The following TGM6 variants were observed in gnomAD, a reference collection of about 807,000 sequenced individuals.
TGM6 encodes protein-glutamine gamma-glutamyltransferase 6.
TGM6 carries 74 observed loss-of-function variants against 77.5 expected under a neutral mutation model. The ratio of observed to expected loss-of-function variants is 0.96; its 90% CI spans 0.79 to 1.16. TGM6 has a LOEUF of 1.16. TGM6 is among the 50% of genes most tolerant of loss of function. TGM6 has a pLI of 0.00. For missense variants in TGM6, 968 were observed against 940.2 expected (o/e 1.03, Z -0.39); for synonymous variants, 383 against 378.9 (o/e 1.01, Z -0.12).
intron 1 of TGM6, among the ~76,000 whole-genome samples, chr20:2,394,247 T>C (rs546820754): frequency 6.6e-6 from 1 of 152,076 alleles, no homozygotes; most frequent in Non-Finnish European, 1.5e-5. Flanking sequence ...TGAATTGAGA[T>C]CACGCCACTG....
intron 1 of TGM6, among the ~76,000 whole-genome samples, chr20:2,391,139 G>A (rs2084627049): frequency 6.6e-6 from 1 of 150,662 alleles, no homozygotes; most frequent in South Asian, 2.1e-4. Flanking sequence ...GGATATGCGG[G>A]GGTGGGGGCA....
chr20:2,412,520 G>A (rs888149590), intron 9 of TGM6, among the ~76,000 whole-genome samples: 2 of 129,982 alleles, frequency 1.5e-5, no homozygotes, highest in African/African-American at 3.4e-5. Context: ...TTTTAAAATA[G>A]AAAGAAGACA....
chr20:2,403,787 C>G lies in TGM6; in HGVS notation c.1300C>G (p.Arg434Gly). Residue 434 changes from arginine to glycine, a missense_variant, in exon 9 of 13, where the codon CGC becomes GGC. Transcript: ENST00000202625. ...ISTKAVGSDS[R>G]VDITDLYKYP... The stretch of plus-strand genomic sequence containing the variant: ...CACCAAGGCGGTGGGCAGTGACTCC[C>G]GCGTGGACATCACTGACCTCTACAA... The G allele has an allele frequency of 6.2e-7, 1 of 1,614,154 alleles. No homozygotes were observed. The highest frequency in any genetic ancestry group is 8.5e-7 in the Non-Finnish European group (1 of 1,180,038).
chr20:2,428,700 A>G (rs2084905124), intron 10 of TGM6, among the ~76,000 whole-genome samples: 1 of 152,150 alleles, frequency 6.6e-6, no homozygotes. Context: ...AAATCAATCA[A>G]TAAAATAAAA....
chr20:2,382,726 A>G (rs2084564780), intron 1 of TGM6, among the ~76,000 whole-genome samples: 1 of 152,176 alleles, frequency 6.6e-6, no homozygotes, highest in African/African-American at 2.4e-5. Flanking sequence ...TGACTGAGAC[A>G]TCAGATCCTA....
At chr20:2,392,328 A>G (rs2122340032) in intron 1 of TGM6, among the ~76,000 whole-genome samples, 1 of 152,190 alleles carries the variant, frequency 6.6e-6, no homozygotes, top group African/African-American at 2.4e-5. Context: ...CCAATTTAAG[A>G]CTCAGCCTCA....
intron 4 of TGM6, among the ~76,000 whole-genome samples, chr20:2,397,332 A>G (rs1199371397): frequency 2.0e-5 from 3 of 152,174 alleles, no homozygotes; most frequent in Non-Finnish European, 4.4e-5. Flanking sequence ...CCCCGGTGGA[A>G]GAAAGACTGG....
intron 10 of TGM6, 128 bp downstream of exon 10, chr20:2,417,701 T>C: frequency 9.1e-7 from 1 of 1,099,722 alleles, no homozygotes; most frequent in South Asian, 1.4e-5. Flanking sequence ...CTGAGCATTG[T>C]GCTCAGTGCC....
At chr20:2,404,929 CT>C (rs2084739536) in intron 9 of TGM6, among the ~76,000 whole-genome samples, 1 of 152,246 alleles carries the variant, frequency 6.6e-6, no homozygotes, top group African/African-American at 2.4e-5. Context: ...GCATGAGCCA[CT>C]GCACCTAGCC....
At chr20:2,401,437 G>A (rs894759174) in intron 7 of TGM6, among the ~76,000 whole-genome samples, 4 of 152,040 alleles carry the variant, frequency 2.6e-5, no homozygotes, top group East Asian at 1.9e-4. Context: ...GTGCCTCCCC[G>A]CCTTTTCCCT....
At chr20:2,420,928 A>G (rs963359271) in intron 10 of TGM6, among the ~76,000 whole-genome samples, 7 of 152,118 alleles carry the variant, frequency 4.6e-5, no homozygotes, top group African/African-American at 1.7e-4. Context: ...TTTGGCAATT[A>G]TGAATAAAGC....
intron 6 of TGM6, among the ~76,000 whole-genome samples, chr20:2,400,073 A>G (rs1417703002): frequency 6.6e-6 from 1 of 152,156 alleles, no homozygotes; most frequent in Non-Finnish European, 1.5e-5. Context: ...GTCTACTTAC[A>G]TGAGGTGGCA....
At chr20:2,398,156 G>T (rs1430990279) in intron 5 of TGM6, 110 bp downstream of exon 5, 1 of 1,575,446 alleles carries the variant, frequency 6.3e-7, no homozygotes, top group Non-Finnish European at 8.7e-7. Context: ...ATTCGCTGTT[G>T]TTGCAGAACC....
rs376938569 is a variant in TGM6 at position 2,398,037 on chromosome 20, C to A, written c.663C>A (p.Ile221=). The A allele has an allele frequency of 2.5e-6, 4 of 1,614,060 alleles. No individual in the cohort carries two copies. Among genetic ancestry groups the A allele is most frequent in the African/African-American group, 1.3e-5 (1 of 74,928 alleles). The change falls in exon 5 of 13, where the codon ATC becomes ATA. Residue 221 remains isoleucine, a synonymous_variant. Transcript: ENST00000202625. ...ACCCCATCTACGTCACCAGGGTCATCAGTGCCATGGTGAGAAGCCCCTCCA... is the reference window on the plus strand; with the variant it reads ...ACCCCATCTACGTCACCAGGGTCATAAGTGCCATGGTGAGAAGCCCCTCCA... The part of the protein sequence containing the change: ...RHNPIYVTRV[I]SAMVNSNNDR...
intron 1 of TGM6, among the ~76,000 whole-genome samples, chr20:2,391,438 G>A (rs1476392960): frequency 2.0e-5 from 3 of 151,882 alleles, no homozygotes; most frequent in Admixed American, 6.6e-5. Flanking sequence ...GTGCGACGTC[G>A]GGGCAGGAGG....
intron 12 of TGM6, among the ~76,000 whole-genome samples, 172 bp from the exon 13 acceptor site, chr20:2,432,318 G>C (rs1021871445): frequency 6.6e-6 from 1 of 152,124 alleles, no homozygotes; most frequent in African/African-American, 2.4e-5. Flanking sequence ...AGTGTGCTGG[G>C]ATTACAGGAG....
At position 2,403,628 on chromosome 20, in the gene TGM6, G is replaced by A; in HGVS notation, c.1141G>A (p.Asp381Asn). 6.2e-7 allele frequency: 1 copy of A among 1,614,224 alleles called. No homozygotes were observed. The highest frequency in any genetic ancestry group is 8.5e-7 in the Non-Finnish European group (1 of 1,180,048). The change falls in exon 9 of 13, where the codon GAT (aspartate) becomes AAT (asparagine). Residue 381 changes from aspartate (D) to asparagine (N), a missense_variant. Physicochemically the swap from Asp to Asn is conservative, Grantham distance 23. Transcript: ENST00000202625. ...CTCAGTCACCGCCATCCGCGAGGGT[G>A]ATGTGCACCTGGCTCACGATGGCCC... Reference protein sequence around the residue: ...PASVTAIREGDVHLAHDGPFV... With the variant: ...PASVTAIREGNVHLAHDGPFV...
rs1351166866 is a variant in TGM6 at position 2,432,740 on chromosome 20, T to A, written c.*97T>A. On this transcript the variant is annotated 3_prime_UTR_variant, in exon 13 of 13. Transcript: ENST00000202625. Reference sequence around the variant, plus strand: ...ATGGGAGCCAGGAGGCCTCAGTTAATCCTGCCTCAACCTCTGCCCTACTTT... The same window carrying A: ...ATGGGAGCCAGGAGGCCTCAGTTAAACCTGCCTCAACCTCTGCCCTACTTT... 7.0e-6 allele frequency: 11 copies of A among 1,562,250 alleles called. No individual in the cohort carries two copies. Among genetic ancestry groups the A allele is most frequent in the Non-Finnish European group, 9.7e-6 (11 of 1,137,978 alleles).
intron 1 of TGM6, among the ~76,000 whole-genome samples, chr20:2,384,542 C>G (rs888654799): frequency 3.9e-5 from 6 of 152,252 alleles, no homozygotes; most frequent in African/African-American, 1.2e-4. Context: ...AGTCTAAATA[C>G]TCTATGTGAA....
Sources: allele counts gnomAD v4.1 joint callset (sites outside exome capture counted in the v4.1 genomes callset), GRCh38; gene constraint gnomAD v4.1.1; transcripts MANE v1.5; gene names NCBI Gene and HGNC (gene_info 2026-07-23, HGNC 2026-07-21).